MARCHF1: variants seen among roughly 807,000 people sequenced by gnomAD.
MARCHF1 encodes the protein E3 ubiquitin-protein ligase MARCHF1.
Under a neutral mutation model 54.2 loss-of-function variants are expected in MARCHF1, and 40 were observed. That is an observed-to-expected ratio of 0.74 (90% confidence interval 0.57 to 0.96). The LOEUF (loss-of-function observed/expected upper bound fraction) is 0.96, where lower values mean the gene tolerates loss of function less well. MARCHF1 is among the 40% of genes least tolerant of loss of function. MARCHF1 has a pLI of 0.00. For synonymous variants in MARCHF1, 236 were observed against 236.3 expected (o/e 1.00, Z 0.01); for missense variants, 586 against 656.5 (o/e 0.89, Z 1.17).
intron 4 of MARCHF1, among the ~76,000 whole-genome samples, chr4:163,851,431 C>A (rs1749638859): frequency 6.6e-6 from 1 of 152,134 alleles, no homozygotes; most frequent in Non-Finnish European, 1.5e-5. Flanking sequence ...TCCTATGCTT[C>A]TCTTTTATAT....
chr4:164,061,301 G>A (rs1313079475), intron 2 of MARCHF1, among the ~76,000 whole-genome samples: 1 of 151,670 alleles, frequency 6.6e-6, no homozygotes, highest in Non-Finnish European at 1.5e-5. Context: ...CTGAATTACA[G>A]CTTTCCCCAC....
intron 1 of MARCHF1, among the ~76,000 whole-genome samples, chr4:164,116,571 A>G (rs1755943536): frequency 6.6e-6 from 1 of 152,144 alleles, no homozygotes; most frequent in African/African-American, 2.4e-5. Context: ...CTAATACAGT[A>G]GCCACTAGCC....
chr4:164,126,121 T>C (rs1297349713), intron 1 of MARCHF1, among the ~76,000 whole-genome samples: 1 of 152,254 alleles, frequency 6.6e-6, no homozygotes, highest in African/African-American at 2.4e-5. Flanking sequence ...TTAATAATGC[T>C]AAGGTCTGGA....
intron 9 of MARCHF1, among the ~76,000 whole-genome samples, chr4:163,538,501 A>T (rs964836183): frequency 6.6e-6 from 1 of 152,056 alleles, no homozygotes; most frequent in African/African-American, 2.4e-5. Flanking sequence ...AACGGACTGA[A>T]TTTTTCATCT....
chr4:164,339,110 G>T lies in MARCHF1; in HGVS notation c.-323+44760C>A, dbSNP rs376602320. Among the ~76,000 whole-genome samples the T allele has an allele frequency of 1.6e-3, 250 of 152,096 alleles. 1 individual carries two copies. The highest frequency in any genetic ancestry group is 5.7e-3 in the African/African-American group (236 of 41,474). The stretch of plus-strand genomic sequence containing the variant: ...ACAAAACTGAAGGGAGAAATGAACA[G>T]CAATGCAATATTAGTAGGAAACGTT... On this transcript the variant is annotated intron_variant, in intron 1 of 9. Transcript: ENST00000514618.
intron 2 of MARCHF1, among the ~76,000 whole-genome samples, chr4:164,076,749 G>T (rs1240310025): frequency 1.3e-5 from 2 of 152,178 alleles, no homozygotes; most frequent in Non-Finnish European, 2.9e-5. Context: ...ATAAGAGACA[G>T]AGAGCCAAAT....
chr4:163,971,407 T>C (rs1475775636), intron 3 of MARCHF1, among the ~76,000 whole-genome samples: 2 of 152,204 alleles, frequency 1.3e-5, no homozygotes, highest in African/African-American at 4.8e-5. Flanking sequence ...TTATTGCCCA[T>C]AGAAAACTAA....
chr4:164,372,322 A>C (rs946575992), intron 1 of MARCHF1, among the ~76,000 whole-genome samples: 16 of 152,188 alleles, frequency 1.1e-4, no homozygotes, highest in Non-Finnish European at 2.2e-4. Context: ...GTAATACTGC[A>C]CAGTAAGTGG....
At chr4:163,664,239 T>C (rs1056049219) in intron 5 of MARCHF1, among the ~76,000 whole-genome samples, 17 of 151,798 alleles carry the variant, frequency 1.1e-4, no homozygotes, top group African/African-American at 3.6e-4. Context: ...TTTCACAGCA[T>C]ATATAATGAT....
chr4:164,054,946 G>T (rs1754456424), intron 2 of MARCHF1, among the ~76,000 whole-genome samples: 1 of 151,974 alleles, frequency 6.6e-6, no homozygotes, highest in Non-Finnish European at 1.5e-5. Context: ...TTAAAAAAAA[G>T]AAAATTATTA....
intron 5 of MARCHF1, among the ~76,000 whole-genome samples, chr4:163,616,112 T>C (rs957198069): frequency 2.0e-5 from 3 of 152,100 alleles, no homozygotes; most frequent in African/African-American, 7.2e-5. Context: ...ACTAAAAGAC[T>C]ATTAGGAAAA....
At chr4:163,677,266 A>G (rs547820547) in intron 5 of MARCHF1, among the ~76,000 whole-genome samples, 7 of 152,196 alleles carry the variant, frequency 4.6e-5, no homozygotes, top group Non-Finnish European at 1.0e-4. Context: ...CGGAAATTCT[A>G]TAGCTTCCCC....
intron 1 of MARCHF1, among the ~76,000 whole-genome samples, chr4:164,238,172 C>G (rs538165920): frequency 1.3e-5 from 2 of 151,980 alleles, no homozygotes; most frequent in Non-Finnish European, 2.9e-5. Context: ...GCTTTCATAA[C>G]CTTTTCTTGA....
chr4:163,611,690 G>A (rs1475843612), intron 7 of MARCHF1, among the ~76,000 whole-genome samples: 1 of 152,020 alleles, frequency 6.6e-6, no homozygotes, highest in Non-Finnish European at 1.5e-5. Context: ...AAACCTTTCG[G>A]TATATGTTTA....
chr4:164,149,917 G>C (rs1303174001), intron 1 of MARCHF1, among the ~76,000 whole-genome samples: 1 of 152,078 alleles, frequency 6.6e-6, no homozygotes, highest in Non-Finnish European at 1.5e-5. Context: ...GTCTCATTCA[G>C]GGCTGGCCCA....
At position 163,612,789 on chromosome 4, in the gene MARCHF1, G is replaced by C. The variant is rs1741387063; in HGVS notation, c.492C>G (p.Ser164=). Residue 164 remains serine (S), a synonymous_variant, in exon 7 of 10, where the codon TCC becomes TCG. Coordinates refer to ENST00000514618, the MANE Select transcript of MARCHF1 (RefSeq NM_001394959.1). ...CCTGAATCCAATGACTCTCATCTGT[G>C]GAAGATGAATCTGAAGAATCTGTGT... ...ELYTDSSDSS[S]TDESHWIQAK... 6.5e-7 allele frequency: 1 copy of C among 1,535,296 alleles called. No individual in the cohort carries two copies. The highest frequency in any genetic ancestry group is 8.7e-7 in the Non-Finnish European group (1 of 1,146,524).
intron 3 of MARCHF1, among the ~76,000 whole-genome samples, chr4:163,918,024 T>C (rs1022339628): frequency 6.6e-6 from 1 of 152,186 alleles, no homozygotes; most frequent in Admixed American, 6.6e-5. Flanking sequence ...TTTATAGTTT[T>C]GGGTTTTACA....
intron 1 of MARCHF1, among the ~76,000 whole-genome samples, chr4:164,292,313 A>C (rs7699487): frequency 0.57 from 86,229 of 151,932 alleles, 26,287 homozygotes; most frequent in Non-Finnish European, 0.7. Flanking sequence ...TTTGCAATTC[A>C]AAGTGATAAA....
At chr4:164,229,339 A>C (rs749154037) in intron 1 of MARCHF1, among the ~76,000 whole-genome samples, 6 of 152,182 alleles carry the variant, frequency 3.9e-5, no homozygotes, top group Non-Finnish European at 5.9e-5. Flanking sequence ...TGGATCACTC[A>C]TTCTAGGGAA....
Sources: allele counts gnomAD v4.1 joint callset (sites outside exome capture counted in the v4.1 genomes callset), GRCh38; gene constraint gnomAD v4.1.1; transcripts MANE v1.5; gene names NCBI Gene and HGNC (gene_info 2026-07-23, HGNC 2026-07-21).